The following SLC4A10 variants were observed in gnomAD, a reference collection of about 807,000 sequenced individuals.
SLC4A10 encodes the protein sodium-driven chloride bicarbonate exchanger.
A neutral mutation model predicts 137.7 loss-of-function variants in SLC4A10; 42 were observed. The ratio of observed to expected loss-of-function variants is 0.30; its 90% CI spans 0.24 to 0.39. The LOEUF (loss-of-function observed/expected upper bound fraction) is 0.39, where lower values mean the gene tolerates loss of function less well. Ranked by LOEUF, SLC4A10 falls within the 10% of genes least tolerant of loss-of-function variation. The pLI, the probability that SLC4A10 is intolerant of heterozygous loss-of-function variation, is 1.00. For synonymous variants in SLC4A10, 474 were observed against 464.1 expected (o/e 1.02, Z -0.27); for missense variants, 925 against 1,355.0 (o/e 0.68, Z 4.98).
intron 10 of SLC4A10, among the ~76,000 whole-genome samples, chr2:161,888,265 G>A (rs2062528350): frequency 6.6e-6 from 1 of 152,126 alleles, no homozygotes; most frequent in African/African-American, 2.4e-5. Context: ...GGATTGTCAT[G>A]GCCATACAGG....
At chr2:161,783,492 G>A (rs923612963) in intron 2 of SLC4A10, among the ~76,000 whole-genome samples, 6 of 151,978 alleles carry the variant, frequency 3.9e-5, no homozygotes, top group African/African-American at 1.4e-4. Flanking sequence ...GTGGTAGGTA[G>A]ACCACTTGTA....
At chr2:161,927,360 T>A (rs1689356061) in intron 15 of SLC4A10, among the ~76,000 whole-genome samples, 1 of 152,144 alleles carries the variant, frequency 6.6e-6, no homozygotes, top group Non-Finnish European at 1.5e-5. Flanking sequence ...TCAGCTCCTG[T>A]GGCTTCTGCA....
chr2:161,867,753 T>C (rs1456151098), intron 6 of SLC4A10, among the ~76,000 whole-genome samples: 2 of 152,130 alleles, frequency 1.3e-5, no homozygotes, highest in East Asian at 3.9e-4. Flanking sequence ...TCTAAATATT[T>C]AGCCCTTCTT....
chr2:161,702,413 T>G (rs919333329), intron 1 of SLC4A10, among the ~76,000 whole-genome samples: 3 of 151,882 alleles, frequency 2.0e-5, no homozygotes, highest in Non-Finnish European at 4.4e-5. Flanking sequence ...AAATGTTTGT[T>G]TATATTTTCC....
At chr2:161,634,896 T>C (rs1257654111) in intron 1 of SLC4A10, among the ~76,000 whole-genome samples, 2 of 152,066 alleles carry the variant, frequency 1.3e-5, no homozygotes. Context: ...GTAACCACTA[T>C]TCTATTCTCT....
chr2:161,860,980 T>C (rs1445945183), intron 5 of SLC4A10, among the ~76,000 whole-genome samples: 1 of 152,212 alleles, frequency 6.6e-6, no homozygotes, highest in Non-Finnish European at 1.5e-5. Context: ...TCAGCATCCT[T>C]AAAAAAGTTT....
chr2:161,718,198 G>T lies in SLC4A10; in HGVS notation c.49-52775G>T, dbSNP rs796578618. 3.8e-4 allele frequency among the ~76,000 whole-genome samples: 57 copies of T among 151,472 alleles called. 1 individual carries two copies. Among genetic ancestry groups the T allele is most frequent in the African/African-American group, 1.4e-3 (56 of 41,262 alleles). ...TTTTTCTCTTTTTTCTTCTTTATTAGTCTAGCTAGTGGTCTAGCTATTTTA... is the reference window on the plus strand; with the variant it reads ...TTTTTCTCTTTTTTCTTCTTTATTATTCTAGCTAGTGGTCTAGCTATTTTA... On this transcript the variant is annotated intron_variant, in intron 1 of 26. Transcript: ENST00000446997.
chr2:161,780,782 A>C (rs1160116195), intron 2 of SLC4A10, among the ~76,000 whole-genome samples: 1 of 152,048 alleles, frequency 6.6e-6, no homozygotes, highest in Non-Finnish European at 1.5e-5. Flanking sequence ...CTTCCAAATT[A>C]AGCTTGAGCC....
At chr2:161,734,173 T>C (rs1032444664) in intron 1 of SLC4A10, among the ~76,000 whole-genome samples, 1 of 152,106 alleles carries the variant, frequency 6.6e-6, no homozygotes, top group African/African-American at 2.4e-5. Context: ...TTTTGAAATG[T>C]GATGACATGA....
chr2:161,929,844 T>G (rs1320459234), intron 15 of SLC4A10, among the ~76,000 whole-genome samples: 1 of 152,196 alleles, frequency 6.6e-6, no homozygotes, highest in Non-Finnish European at 1.5e-5. Flanking sequence ...ATTCTCACAA[T>G]TTATACAGAA....
At chr2:161,634,377 T>G (rs936065219) in intron 1 of SLC4A10, among the ~76,000 whole-genome samples, 1 of 151,842 alleles carries the variant, frequency 6.6e-6, no homozygotes, top group Non-Finnish European at 1.5e-5. Context: ...GTATCTTCTG[T>G]TTTTTTCCCA....
At chr2:161,957,346 T>G (rs1014044074) in intron 20 of SLC4A10, 106 bp downstream of exon 20, 142 of 1,199,644 alleles carry the variant, frequency 1.2e-4, no homozygotes, top group Non-Finnish European at 1.6e-4. Flanking sequence ...GTGTGGCATG[T>G]GATGAAAGTG....
At chr2:161,891,917 C>A (rs1483858585) in intron 10 of SLC4A10, among the ~76,000 whole-genome samples, 1 of 151,762 alleles carries the variant, frequency 6.6e-6, no homozygotes, top group Non-Finnish European at 1.5e-5. Context: ...TGCTGAAAAA[C>A]TTTCTTTTTT....
chr2:161,892,165 A>G (rs1386498197), intron 10 of SLC4A10, among the ~76,000 whole-genome samples: 1 of 152,118 alleles, frequency 6.6e-6, no homozygotes, highest in Non-Finnish European at 1.5e-5. Flanking sequence ...GTTGTCCTGG[A>G]TGAATTTGGA....
rs1006192017 is a variant in SLC4A10, at chr2:161,949,157, A to G, written c.2275A>G (p.Ile759Val). Residue 759 changes from isoleucine (I) to valine (V), a missense_variant, in exon 18 of 27, where the codon ATA becomes GTA. By Grantham distance (29) the Ile-to-Val change is conservative (BLOSUM62 3). Around this residue, in one of 11 missense-constraint regions of SLC4A10, gnomAD observed 82 missense variants for 151.4 expected, o/e 0.54. Transcript: ENST00000446997. ...SRYFPTKVRSIVSDFAVFLTI... is the reference protein window; with the variant it reads ...SRYFPTKVRSVVSDFAVFLTI... ...TTTTCATTATTTTTAGGTTCGATCC[A>G]TAGTGAGTGACTTTGCTGTCTTTCT... 1.2e-5 allele frequency: 20 copies of G among 1,608,642 alleles called. No individual in the cohort carries two copies. The highest frequency in any genetic ancestry group is 1.4e-5 in the Non-Finnish European group (17 of 1,176,836).
At chr2:161,928,583 A>G (rs191072749) in intron 15 of SLC4A10, among the ~76,000 whole-genome samples, 1 of 149,556 alleles carries the variant, frequency 6.7e-6, no homozygotes, top group Non-Finnish European at 1.5e-5. Flanking sequence ...AAAAAAAAAA[A>G]CAAACTTCTC....
At chr2:161,914,152 T>C (rs757385147) in intron 15 of SLC4A10, among the ~76,000 whole-genome samples, 5 of 152,234 alleles carry the variant, frequency 3.3e-5, no homozygotes, top group Non-Finnish European at 5.9e-5. Context: ...GCTCAGCACA[T>C]TTTTCTACTT....
chr2:161,809,595 G>A (rs935731549), intron 3 of SLC4A10, among the ~76,000 whole-genome samples: 21 of 151,990 alleles, frequency 1.4e-4, no homozygotes, highest in African/African-American at 5.1e-4. Flanking sequence ...TTTGCATATG[G>A]CTTGACAGTT....
intron 4 of SLC4A10, among the ~76,000 whole-genome samples, chr2:161,842,616 A>G (rs1349327146): frequency 6.6e-6 from 1 of 152,072 alleles, no homozygotes; most frequent in Non-Finnish European, 1.5e-5. Flanking sequence ...AAGTTTCCTC[A>G]TGATGTTTTG....
Sources: gnomAD v4.1 joint callset for allele counts (sites outside exome capture counted in the v4.1 genomes callset) on GRCh38, gnomAD v4.1.1 for gene constraint, gnomAD v4.1.1 regional missense constraint, MANE v1.5 for transcripts, NCBI Gene and HGNC (gene_info 2026-07-23, HGNC 2026-07-21) for gene names.